The following SRPK2 variants were observed in gnomAD, a reference collection of about 807,000 sequenced individuals.
The protein encoded by SRPK2 is SRSF protein kinase 2, also known as SFRS protein kinase 2.
A neutral mutation model predicts 90.8 loss-of-function variants in SRPK2; 21 were observed. The ratio of observed to expected loss-of-function variants is 0.23; its 90% CI spans 0.16 to 0.33. The LOEUF is 0.33. Among genes scored for constraint, SRPK2 ranks in the 10% least tolerant of loss-of-function variants. SRPK2 has a pLI of 1.00. For synonymous variants in SRPK2, 288 were observed against 311.1 expected, an observed-to-expected ratio of 0.93 and a Z score of 0.78; for missense variants, 620 against 869.0, an observed-to-expected ratio of 0.71 and a Z score of 3.60.
At chr7:105,230,230 G>A (rs2129619536) in intron 2 of SRPK2, among the ~76,000 whole-genome samples, 1 of 152,300 alleles carries the variant, frequency 6.6e-6, no homozygotes, top group Non-Finnish European at 1.5e-5. Context: ...GGATATGGAA[G>A]GTGTGGAAGA....
At chr7:105,357,497 T>A (rs1817913159) in intron 2 of SRPK2, among the ~76,000 whole-genome samples, 1 of 152,124 alleles carries the variant, frequency 6.6e-6, no homozygotes, top group African/African-American at 2.4e-5. Context: ...CTAGATCTGA[T>A]GTAATACCAG....
intron 2 of SRPK2, among the ~76,000 whole-genome samples, chr7:105,245,236 A>T (rs1300785894): frequency 1.3e-5 from 2 of 152,216 alleles, no homozygotes; most frequent in African/African-American, 2.4e-5. Context: ...AGAAGCACTG[A>T]GTCTCAGTAC....
intron 13 of SRPK2, among the ~76,000 whole-genome samples, chr7:105,130,903 G>A (rs956771066): frequency 1.3e-5 from 2 of 152,266 alleles, no homozygotes; most frequent in East Asian, 3.9e-4. Flanking sequence ...TCTTGGGAAG[G>A]GGGCAGGTGA....
chr7:105,241,946 C>A (rs1363429680), intron 2 of SRPK2, among the ~76,000 whole-genome samples: 1 of 151,960 alleles, frequency 6.6e-6, no homozygotes, highest in Non-Finnish European at 1.5e-5. Flanking sequence ...GTCATTGGGG[C>A]CACTTTTACA....
chr7:105,374,882 C>A (rs1320272737), intron 2 of SRPK2, among the ~76,000 whole-genome samples: 1 of 152,184 alleles, frequency 6.6e-6, no homozygotes, highest in Non-Finnish European at 1.5e-5. Flanking sequence ...GCTGGAATTA[C>A]AGGCTTGAGC....
rs1416435336 is a variant in SRPK2 at position 105,149,483 on chromosome 7, C to A, written c.622-2825G>T. Among the ~76,000 whole-genome samples, 4 of 142,850 alleles carry A rather than the reference C, an allele frequency of 2.8e-5. No individual in the cohort carries two copies. In the East Asian group the frequency reaches 7.7e-4, roughly 28 times the overall value. The allele number at this position is 142,850 out of a possible 152,430, so 93.7% of individuals were successfully genotyped here. On this transcript the variant is annotated intron_variant, in intron 7 of 15. Transcript: ENST00000393651. ...TTGCTGAAATAATGAAGATAATAAT[C>A]AATAAAAACTGAGGGAACTCAGAGA...
chr7:105,301,112 C>A (rs924694752), intron 2 of SRPK2, among the ~76,000 whole-genome samples: 4 of 152,156 alleles, frequency 2.6e-5, no homozygotes, highest in African/African-American at 9.7e-5. Flanking sequence ...GACTGGGAAC[C>A]AACCCAAATG....
At chr7:105,266,703 GA>G (rs1284784523) in intron 2 of SRPK2, among the ~76,000 whole-genome samples, 1 of 151,924 alleles carries the variant, frequency 6.6e-6, no homozygotes, top group Non-Finnish European at 1.5e-5. Flanking sequence ...GGTGAACAAG[GA>G]ATTTAAGAAT....
intron 2 of SRPK2, among the ~76,000 whole-genome samples, chr7:105,233,846 C>A (rs1019105386): frequency 6.6e-6 from 1 of 151,462 alleles, no homozygotes; most frequent in South Asian, 2.1e-4. Flanking sequence ...AGCAAGACTC[C>A]GTCTCAAAAA....
chr7:105,316,244 G>A (rs961818371), intron 2 of SRPK2, among the ~76,000 whole-genome samples: 3 of 152,054 alleles, frequency 2.0e-5, no homozygotes, highest in East Asian at 3.9e-4. Flanking sequence ...GATTACAGGC[G>A]AGAGCCACCG....
rs552542846 is a variant in SRPK2 at position 105,130,690 on chromosome 7, G to A, written c.1752+2101C>T. Among the ~76,000 whole-genome samples the A allele has an allele frequency of 9.2e-5, 14 of 151,604 alleles. No homozygotes were observed. In the East Asian group the frequency reaches 1.2e-3, roughly 13 times the overall value. On this transcript the variant is annotated intron_variant, in intron 13 of 15. Coordinates refer to ENST00000393651, the MANE Select transcript of SRPK2 (RefSeq NM_182692.3). ...TTTTTACACTACAACAGAACGATGAGGTAAGAAAAACTGCCTCATTGCTCC... is the reference window on the plus strand; with the variant it reads ...TTTTTACACTACAACAGAACGATGAAGTAAGAAAAACTGCCTCATTGCTCC...
intron 2 of SRPK2, among the ~76,000 whole-genome samples, chr7:105,360,603 G>T (rs1475319622): frequency 6.6e-6 from 1 of 152,072 alleles, no homozygotes; most frequent in Non-Finnish European, 1.5e-5. Context: ...TGTCAGTAAA[G>T]GATTTTATTT....
chr7:105,250,407 G>GAA (rs11450301), intron 2 of SRPK2, among the ~76,000 whole-genome samples: 2,909 of 149,096 alleles, frequency 0.02, 95 homozygotes, highest in African/African-American at 0.065. Context: ...AACAATGCAA[G>GAA]AAAAAAAAAA....
At chr7:105,285,184 C>A (rs576335341) in intron 2 of SRPK2, among the ~76,000 whole-genome samples, 1 of 151,902 alleles carries the variant, frequency 6.6e-6, no homozygotes, top group African/African-American at 2.4e-5. Context: ...CCAGGAGTTC[C>A]AGACCAGCCT....
intron 2 of SRPK2, among the ~76,000 whole-genome samples, chr7:105,287,255 C>T (rs1221810857): frequency 1.2e-5 from 1 of 80,274 alleles, no homozygotes; most frequent in Non-Finnish European, 2.3e-5. Flanking sequence ...AGCGAGACTC[C>T]GTCTAAAAAA....
chr7:105,185,097 A>C (rs1793404342), intron 3 of SRPK2, among the ~76,000 whole-genome samples: 1 of 152,112 alleles, frequency 6.6e-6, no homozygotes, highest in Non-Finnish European at 1.5e-5. Flanking sequence ...CTCGGTTCTT[A>C]ATTATGTTTC....
intron 3 of SRPK2, among the ~76,000 whole-genome samples, chr7:105,188,834 C>T (rs1021191997): frequency 3.3e-5 from 5 of 152,090 alleles, no homozygotes; most frequent in Admixed American, 6.6e-5. Context: ...ACCTTAGATC[C>T]CAAATAAGAA....
intron 3 of SRPK2, 27 bp downstream of exon 3, chr7:105,203,601 C>G (rs752345848): frequency 6.8e-7 from 1 of 1,461,148 alleles, no homozygotes; most frequent in Admixed American, 2.6e-5. Context: ...GAAGGCAAGC[C>G]CCACACCACC....
chr7:105,382,631 G>A (rs1024949192), intron 2 of SRPK2, among the ~76,000 whole-genome samples: 4 of 148,268 alleles, frequency 2.7e-5, no homozygotes, highest in Middle Eastern at 3.6e-3. Flanking sequence ...AGGGCATTAC[G>A]CTGCATGAAA....
Sources: gnomAD v4.1 joint callset for allele counts (sites outside exome capture counted in the v4.1 genomes callset) on GRCh38, gnomAD v4.1.1 for gene constraint, MANE v1.5 for transcripts, NCBI Gene and HGNC (gene_info 2026-07-23, HGNC 2026-07-21) for gene names.